The following CLPX variants were observed in gnomAD, a reference collection of about 807,000 sequenced individuals.
The protein encoded by CLPX is ATP-dependent clpX-like chaperone, mitochondrial.
In CLPX, 34 loss-of-function variants were observed where a neutral mutation model predicts 76.4. That is an observed-to-expected ratio of 0.45 (90% CI 0.34 to 0.59). CLPX has a LOEUF of 0.59. CLPX is among the 20% of genes least tolerant of loss of function. The pLI, the probability that CLPX is intolerant of heterozygous loss-of-function variation, is 0.01. For missense variants in CLPX, 613 were observed against 757.0 expected (o/e 0.81, Z 2.23); for synonymous variants, 248 against 270.9 (o/e 0.92, Z 0.83).
At chr15:65,163,073 C>T (rs142677583) in intron 5 of CLPX, among the ~76,000 whole-genome samples, 137 of 152,136 alleles carry the variant, frequency 9.0e-4, no homozygotes, top group African/African-American at 3.3e-3. Flanking sequence ...CAAGAGTTCA[C>T]GCCTATTAAT....
chr15:65,149,536 T>C lies in CLPX; in HGVS notation c.*1287A>G, dbSNP rs986052881. ...AGATTTAAGCCAGACTTCAATTCCA[T>C]GTACTCACCCATAGTACTAAAATGG... On this transcript the variant is annotated 3_prime_UTR_variant, in exon 14 of 14. Transcript: ENST00000300107. The C allele has an allele frequency of 6.8e-6, 3 of 442,762 alleles. No individual in the cohort carries two copies. The highest frequency in any genetic ancestry group is 7.3e-5 in the East Asian group (1 of 13,746). 27.4% of individuals were successfully genotyped at this position (442,762 alleles called of 1,614,324 possible).
At position 65,185,060 on chromosome 15, in the gene CLPX, G is replaced by A; in HGVS notation, c.79+15C>T. ...CCGACAGGCTGAGGGCTCAGGAGTG[G>A]CACTATTTCGTTACCTCTCTGCGCG... is the stretch of plus-strand genomic sequence containing the variant. On this transcript the variant is annotated intron_variant, in intron 1 of 13. Coordinates refer to ENST00000300107, the MANE Select transcript of CLPX (RefSeq NM_006660.5). 1.3e-6 allele frequency: 2 copies of A among 1,563,786 alleles called. No individual in the cohort carries two copies. The highest frequency in any genetic ancestry group is 8.7e-7 in the Non-Finnish European group (1 of 1,153,780).
intron 2 of CLPX, among the ~76,000 whole-genome samples, chr15:65,179,515 C>T (rs1251213048): frequency 6.6e-6 from 1 of 152,088 alleles, no homozygotes; most frequent in Non-Finnish European, 1.5e-5. Context: ...TTTTGTCTAA[C>T]ATATAAAATT....
At chr15:65,167,909 T>C (rs1032461982) in intron 3 of CLPX, among the ~76,000 whole-genome samples, 3 of 151,382 alleles carry the variant, frequency 2.0e-5, no homozygotes, top group Admixed American at 6.6e-5. Flanking sequence ...TATATATAAT[T>C]ATTTCATATC....
intron 13 of CLPX, 24 bp downstream of exon 13, chr15:65,152,406 T>G: frequency 3.3e-6 from 4 of 1,227,306 alleles, no homozygotes; most frequent in Non-Finnish European, 2.2e-6. Flanking sequence ...TTTGTATCTG[T>G]TCTGGCTTGA....
chr15:65,185,308 G>T lies in CLPX; in HGVS notation c.-155C>A. 1 of 612,510 alleles carries T rather than the reference G, an allele frequency of 1.6e-6. No homozygotes were observed. The allele number at this position is 612,510 out of a possible 1,614,324, so 37.9% of individuals were successfully genotyped here. A position where few individuals can be genotyped will look rare whatever the true frequency, so the allele number is the denominator to read the frequency against. On this transcript the variant is annotated 5_prime_UTR_variant, in exon 1 of 14. Transcript: ENST00000300107. ...ACCTGCCCGGCAGCCAGGCCTTCAC[G>T]CTTCTCTGCCCCACAGCCGTCTATT...
chr15:65,173,097 C>G (rs1456882286), intron 3 of CLPX, among the ~76,000 whole-genome samples: 5 of 152,026 alleles, frequency 3.3e-5, no homozygotes, highest in Admixed American at 1.3e-4. Context: ...AGGCTGGGCG[C>G]AGTGGCTCAT....
At chr15:65,184,932 G>A (rs1243349732) in intron 1 of CLPX, 143 bp downstream of exon 1, 14 of 696,316 alleles carry the variant, frequency 2.0e-5, no homozygotes, top group Non-Finnish European at 2.5e-5. Context: ...GGGGAAAGTG[G>A]TGGGTGCCGG....
In CLPX at chr15:65,149,662, C is replaced by T; in HGVS notation, c.*1161G>A. 1 of 391,890 alleles carries T rather than the reference C, an allele frequency of 2.6e-6. No homozygotes were observed. Among genetic ancestry groups the T allele is most frequent in the Non-Finnish European group, 4.9e-6 (1 of 203,326 alleles). The allele number at this position is 391,890 out of a possible 1,614,324, so 24.3% of individuals were successfully genotyped here. On this transcript the variant is annotated 3_prime_UTR_variant, in exon 14 of 14. Coordinates refer to ENST00000300107, the MANE Select transcript of CLPX (RefSeq NM_006660.5). ...AGATCACAAGGTCAGGAGTTACAGACTAGCCTGGCCAACAGGGTGAAACCC... is the reference window on the plus strand; with the variant it reads ...AGATCACAAGGTCAGGAGTTACAGATTAGCCTGGCCAACAGGGTGAAACCC...
intron 3 of CLPX, among the ~76,000 whole-genome samples, chr15:65,173,389 A>C (rs975703480): frequency 2.7e-5 from 4 of 149,992 alleles, no homozygotes; most frequent in African/African-American, 7.4e-5. Flanking sequence ...AAAAAAAAAG[A>C]AGACAGACAG....
At chr15:65,157,979 C>T (rs2087810549) in intron 7 of CLPX, 69 bp from the exon 8 acceptor site, 1 of 1,368,924 alleles carries the variant, frequency 7.3e-7, no homozygotes, top group East Asian at 2.5e-5. Context: ...AATAAAAATG[C>T]AAAATAAATT....
chr15:65,170,983 C>T (rs915778126), intron 3 of CLPX, among the ~76,000 whole-genome samples: 4 of 151,640 alleles, frequency 2.6e-5, no homozygotes, highest in African/African-American at 9.7e-5. Context: ...CCACCACACC[C>T]AGCTCATTTT....
At chr15:65,154,577 T>C in intron 11 of CLPX, 1 of 523,504 alleles carries the variant, frequency 1.9e-6, no homozygotes, top group Non-Finnish European at 3.3e-6. Flanking sequence ...GCTATAATGA[T>C]GGTTTTAATT....
rs1189288302 is a variant in CLPX, at chr15:65,180,072, C to T, written c.212G>A (p.Ser71Asn). 2.5e-6 allele frequency: 4 copies of T among 1,608,380 alleles called. No homozygotes were observed. The highest frequency in any genetic ancestry group is 2.2e-5 in the East Asian group (1 of 44,696). Reference sequence around the variant, plus strand: ...ATTTCCATCTCCAGAACCATCTTTACTTATCCCATCTTTTGAGGCAAAGTA... The same window carrying T: ...ATTTCCATCTCCAGAACCATCTTTATTTATCCCATCTTTTGAGGCAAAGTA... ...PAYFASKDGI[S>N]KDGSGDGNKK... is the part of the protein sequence containing the mutation. The change falls in exon 2 of 14, where the codon AGT becomes AAT. Residue 71 changes from serine to asparagine, a missense_variant. Transcript: ENST00000300107.
intron 4 of CLPX, among the ~76,000 whole-genome samples, chr15:65,166,345 G>T (rs568927082): frequency 6.6e-6 from 1 of 151,968 alleles, no homozygotes; most frequent in Admixed American, 6.6e-5. Flanking sequence ...TTGCTCTATT[G>T]TAGATATTAT....
chr15:65,161,515 A>G (rs1264413968), intron 6 of CLPX, among the ~76,000 whole-genome samples: 1 of 152,222 alleles, frequency 6.6e-6, no homozygotes, highest in Non-Finnish European at 1.5e-5. Context: ...AATCTTTTAC[A>G]TAAGTTCTTA....
intron 9 of CLPX, 82 bp downstream of exon 9, chr15:65,156,761 TG>T: frequency 1.2e-6 from 1 of 835,282 alleles, no homozygotes; most frequent in South Asian, 1.5e-5. Flanking sequence ...TCTAATTGAA[TG>T]TGAAACCAAA....
At chr15:65,168,437 T>C (rs1413571975) in intron 3 of CLPX, among the ~76,000 whole-genome samples, 1 of 142,404 alleles carries the variant, frequency 7.0e-6, no homozygotes, top group East Asian at 2.2e-4. Context: ...GATGAGTTCA[T>C]GTCCTTTGTA....
intron 5 of CLPX, 61 bp downstream of exon 5, chr15:65,163,968 C>A: frequency 6.9e-7 from 1 of 1,443,216 alleles, no homozygotes; most frequent in Non-Finnish European, 9.6e-7. Context: ...TGAGGAGTTA[C>A]AAATAAAGAT....
Sources: allele counts gnomAD v4.1 joint callset (sites outside exome capture counted in the v4.1 genomes callset), GRCh38; gene constraint gnomAD v4.1.1; transcripts MANE v1.5; gene names NCBI Gene and HGNC (gene_info 2026-07-23, HGNC 2026-07-21).